The following CROCC2 variants were observed in gnomAD, a reference collection of about 807,000 sequenced individuals.
CROCC2 encodes ciliary rootlet coiled-coil, rootletin family member 2.
Under a neutral mutation model 177.6 loss-of-function variants are expected in CROCC2, and 163 were observed. The ratio of observed to expected loss-of-function variants is 0.92; its 90% confidence interval spans 0.81 to 1.05. The LOEUF is 1.05. Among genes scored for constraint, CROCC2 ranks in the 50% least tolerant of loss-of-function variants. The pLI is 0.00. For missense variants in CROCC2, 1,929 were observed against 1,797.8 expected, an observed-to-expected ratio of 1.07 and a Z score of -1.32; for synonymous variants, 904 against 787.3, an observed-to-expected ratio of 1.15 and a Z score of -2.48.
At chr2:240,954,881 T>C (rs1269405927) in intron 18 of CROCC2, 1 of 152,158 alleles carries the variant, frequency 6.6e-6, no homozygotes, top group African/African-American at 2.4e-5. Flanking sequence ...CGCTCCACAC[T>C]TCTGAGAAAC....
chr2:240,933,286 G>A lies in CROCC2; in HGVS notation c.1407G>A (p.Leu469=), dbSNP rs965144559. Residue 469 remains leucine (L), a synonymous_variant, in exon 10 of 32, where the codon CTG becomes CTA. Coordinates refer to ENST00000690015, the MANE Select transcript of CROCC2 (RefSeq NM_001351305.2). Reference sequence around the variant, plus strand: ...AACGAGAGGCTCTTCGGGGCCAGCTGGAGGCCCAGAGGCTCGAGGTGCAGC... The same window carrying A: ...AACGAGAGGCTCTTCGGGGCCAGCTAGAGGCCCAGAGGCTCGAGGTGCAGC... ...AREREALRGQ[L]EAQRLEVQQC... is the part of the protein sequence containing the mutation. 3 of 1,546,152 alleles carry A rather than the reference G, an allele frequency of 1.9e-6. No homozygotes were observed. The highest frequency in any genetic ancestry group is 3.9e-5 in the Admixed American group (2 of 50,904).
chr2:240,968,738 G>A lies in CROCC2; in HGVS notation c.4401+476G>A, dbSNP rs2059702049. On this transcript the variant is annotated intron_variant, in intron 27 of 31. Transcript: ENST00000690015. ...AGACACAGAAGGGGCCTCTCAGGAA[G>A]GGCTGAAGTCAGTGTCCCTACATGC... Among the ~76,000 whole-genome samples the A allele has an allele frequency of 1.3e-5, 2 of 152,362 alleles. 1 individual carries two copies. Among genetic ancestry groups the A allele is most frequent in the Admixed American group, 1.3e-4 (2 of 15,310 alleles).
In CROCC2 at chr2:240,933,217, C is replaced by T. The variant is rs1404070792; in HGVS notation, c.1338C>T (p.Ala446=). The T allele has an allele frequency of 5.2e-6, 8 of 1,549,562 alleles. No individual in the cohort carries two copies. Among genetic ancestry groups the T allele is most frequent in the East Asian group, 2.4e-5 (1 of 40,876 alleles). ...QLSESRRELW[A]AQKLQQERAR... is the part of the protein sequence containing the mutation. ...CCGAAAGCCGGCGGGAGCTGTGGGC[C>T]GCACAGAAGCTCCAGCAGGAGCGGG... Residue 446 remains alanine, a synonymous_variant, in exon 10 of 32, where the codon GCC becomes GCT. Transcript: ENST00000690015.
intron 28 of CROCC2, among the ~76,000 whole-genome samples, chr2:240,984,551 T>C (rs1574798474): frequency 9.2e-6 from 1 of 108,922 alleles, no homozygotes; most frequent in Non-Finnish European, 1.9e-5. Flanking sequence ...AGGCACTCAC[T>C]CCACACACAC....
chr2:240,966,829 G>A (rs1032922594), intron 25 of CROCC2, among the ~76,000 whole-genome samples: 3 of 152,124 alleles, frequency 2.0e-5, no homozygotes, highest in Non-Finnish European at 2.9e-5. Context: ...AGAACCACCC[G>A]TGAGCGGCCC....
Position 240,935,382 on chromosome 2 carries a change from C to T in CROCC2, c.1963C>T (p.Arg655Trp), listed in dbSNP as rs778810138. Residue 655 changes from arginine to tryptophan, a missense_variant, in exon 14 of 32, where the codon CGG (arginine) becomes TGG (tryptophan). Physicochemically the swap from Arg to Trp is moderately radical, Grantham distance 101. Transcript: ENST00000690015. ...LQLEQERDQLREQRKTLEQER... is the reference protein window; with the variant it reads ...LQLEQERDQLWEQRKTLEQER... ...GCTGGAGCAGGAGCGGGACCAGCTG[C>T]GGGAACAGCGGAAGACTCTGGAGCA... 2.9e-4 allele frequency: 400 copies of T among 1,357,966 alleles called. 2 individuals are homozygous for T. The highest frequency in any genetic ancestry group is 1.8e-3 in the Middle Eastern group (8 of 4,472). 84.1% of individuals were successfully genotyped at this position (1,357,966 alleles called of 1,614,324 possible). A position where few individuals can be genotyped will look rare whatever the true frequency, so the allele number is the denominator to read the frequency against.
At chr2:240,988,652 AGG>A in intron 28 of CROCC2, 85 bp from the exon 29 acceptor site, 1 of 1,259,912 alleles carries the variant, frequency 7.9e-7, no homozygotes, top group South Asian at 3.1e-5. Context: ...TCCTTCCCAG[AGG>A]CAACCCTGTG....
chr2:240,935,334 A>C, intron 13 of CROCC2, 24 bp from the exon 14 acceptor site: 1 of 1,348,596 alleles, frequency 7.4e-7, no homozygotes, highest in South Asian at 2.1e-5. Flanking sequence ...GAGTGGATGC[A>C]GAGCCCCCGA....
In CROCC2 at chr2:240,963,499, G is replaced by C; in HGVS notation, c.3088-57G>C. 4.1e-6 allele frequency: 6 copies of C among 1,450,846 alleles called. No individual in the cohort carries two copies. In the South Asian group the frequency reaches 8.4e-5, roughly 20 times the overall value. The allele number at this position is 1,450,846 out of a possible 1,614,324, so 89.9% of individuals were successfully genotyped here. A position where few individuals can be genotyped will look rare whatever the true frequency, so the allele number is the denominator to read the frequency against. On this transcript the variant is annotated intron_variant, in intron 20 of 31. Coordinates refer to ENST00000690015, the MANE Select transcript of CROCC2 (RefSeq NM_001351305.2). The stretch of plus-strand genomic sequence containing the variant: ...ATGTCAGAGGCCACAGGCCCCTGTG[G>C]CTATCCCTGGAGCAGTGGTCCCCAG...
chr2:240,967,532 A>G (rs945805936), intron 26 of CROCC2, 67 bp downstream of exon 26: 3 of 1,526,638 alleles, frequency 2.0e-6, no homozygotes, highest in Non-Finnish European at 2.7e-6. Context: ...CCATGTCCCC[A>G]CTGCTGCCGG....
rs200750052 is a variant in CROCC2 at position 240,965,177 on chromosome 2, C to T, written c.3466-204C>T. On this transcript the variant is annotated intron_variant, in intron 22 of 31. Transcript: ENST00000690015. ...TGTCCCAGGTCCTCCAAGGAGGTTC[C>T]GAGGAGGTCCCAGGTAGGTGTCTAC... Among the ~76,000 whole-genome samples the T allele has an allele frequency of 2.4e-4, 36 of 152,296 alleles. 2 individuals are homozygous for T. In the East Asian group the frequency reaches 3.1e-3, roughly 13 times the overall value.
At chr2:240,946,013 C>A (rs1028445492) in intron 14 of CROCC2, 47 bp from the exon 15 acceptor site, 1 of 1,414,766 alleles carries the variant, frequency 7.1e-7, no homozygotes, top group African/African-American at 1.4e-5. Flanking sequence ...CTCACCCACC[C>A]ACTTACTCTC....
Position 240,982,898 on chromosome 2 carries a change from C to T in CROCC2, c.4420C>T (p.Arg1474Cys), listed in dbSNP as rs774985974. ...CCCCCAGGAGCAACTGGAAACGCTG[C>T]GCCAGGCTCTTGAAGAGAGCAGGAG... ...RRLQEQLETL[R>C]QALEESRRHS... The change falls in exon 28 of 32, where the codon CGC becomes TGC. Residue 1474 changes from arginine to cysteine, a missense_variant. Transcript: ENST00000690015. This position sits in a 1 kb window ranked among gnomAD's most constrained non-coding sequence, Gnocchi z 4.7. 49 of 1,549,214 alleles carry T rather than the reference C, an allele frequency of 3.2e-5. No homozygotes were observed. The highest frequency in any genetic ancestry group is 4.9e-5 in the East Asian group (2 of 40,896).
chr2:240,982,828 G>A lies in CROCC2; in HGVS notation c.4402-52G>A. On this transcript the variant is annotated intron_variant, in intron 27 of 31. Coordinates refer to ENST00000690015, the MANE Select transcript of CROCC2 (RefSeq NM_001351305.2). This position sits in a 1 kb window ranked among gnomAD's most constrained non-coding sequence, Gnocchi z 4.7. ...CCCTGAGGCCAGGGTTTCCCTGCAG[G>A]GCCTCCCACCCCCAGTGTCTCCAGG... The A allele has an allele frequency of 4.0e-6, 6 of 1,500,870 alleles. No individual in the cohort carries two copies. The highest frequency in any genetic ancestry group is 5.4e-6 in the Non-Finnish European group (6 of 1,115,508). The allele number at this position is 1,500,870 out of a possible 1,614,324, so 93.0% of individuals were successfully genotyped here.
chr2:240,946,025 T>G, intron 14 of CROCC2, 35 bp from the exon 15 acceptor site: 1 of 1,450,762 alleles, frequency 6.9e-7, no homozygotes, highest in Non-Finnish European at 9.2e-7. Context: ...CTTACTCTCT[T>G]TCTCTGCCGA....
intron 2 of CROCC2, 103 bp from the exon 3 acceptor site, chr2:240,919,880 G>C (rs889800561): frequency 1.7e-6 from 1 of 587,268 alleles, no homozygotes; most frequent in Non-Finnish European, 3.1e-6. Flanking sequence ...CCAGCAGCTG[G>C]AGCCTGGTGG....
rs549961273 is a variant in CROCC2, at chr2:240,906,657, C to T, written c.78+66C>T. The T allele has an allele frequency of 4.0e-5, 16 of 398,968 alleles. No individual in the cohort carries two copies. The South Asian group carries it at 6.4e-4, about 16-fold the overall frequency. 24.7% of individuals were successfully genotyped at this position (398,968 alleles called of 1,614,324 possible). A position where few individuals can be genotyped will look rare whatever the true frequency, so the allele number is the denominator to read the frequency against. On this transcript the variant is annotated intron_variant, in intron 1 of 31. Coordinates refer to ENST00000690015, the MANE Select transcript of CROCC2 (RefSeq NM_001351305.2). ...GGTTGCCAGGACACTTTGGAAGGGACGCGGCAAAGAGAGGGGATGGCCAGG... is the reference window on the plus strand; with the variant it reads ...GGTTGCCAGGACACTTTGGAAGGGATGCGGCAAAGAGAGGGGATGGCCAGG...
intron 3 of CROCC2, among the ~76,000 whole-genome samples, chr2:240,920,496 C>T (rs929997561): frequency 2.0e-4 from 30 of 152,192 alleles, no homozygotes; most frequent in African/African-American, 7.2e-4. Context: ...GTGCTCTGCC[C>T]AGCACTGGCA....
chr2:240,935,629 C>G (rs544511080), intron 14 of CROCC2, 41 bp downstream of exon 14: 67 of 1,350,092 alleles, frequency 5.0e-5, no homozygotes, highest in Non-Finnish European at 6.3e-5. Context: ...GTCTGGGATG[C>G]GGCTGGGTGG....
Sources: gnomAD v4.1 joint callset for allele counts (sites outside exome capture counted in the v4.1 genomes callset) on GRCh38, gnomAD v4.1.1 for gene constraint, Gnocchi (gnomAD v3.1) non-coding constraint, MANE v1.5 for transcripts, NCBI Gene and HGNC (gene_info 2026-07-23, HGNC 2026-07-21) for gene names.